Variants in KCTD16 observed in about 807,000 individuals in gnomAD.
The protein encoded by KCTD16 is potassium channel tetramerization domain containing 16, also known as BTB/POZ domain-containing protein KCTD16.
Under a neutral mutation model 33.2 loss-of-function variants are expected in KCTD16, and 13 were observed. The ratio of observed to expected loss-of-function variants is 0.39; its 90% CI spans 0.25 to 0.62. KCTD16 has a LOEUF of 0.62. KCTD16 is among the 20% of genes least tolerant of loss of function. The probability of loss-of-function intolerance (pLI) is 0.50; values close to 1 mark genes in which losing one functional copy is unlikely to be tolerated. For synonymous variants in KCTD16, 197 were observed against 195.3 expected (o/e 1.01, Z -0.07); for missense variants, 441 against 525.1 (o/e 0.84, Z 1.57).
chr5:144,187,464 A>G lies in KCTD16; in HGVS notation c.-327+12992A>G, dbSNP rs114399977. Among the ~76,000 whole-genome samples, 741 of 151,180 alleles carry G rather than the reference A, an allele frequency of 4.9e-3. 7 individuals carry two copies. Among genetic ancestry groups the G allele is most frequent in the African/African-American group, 0.017 (689 of 40,574 alleles). The stretch of plus-strand genomic sequence containing the variant: ...CACACACATATACACACACACATAC[A>G]CACAGGGGGCAAGAGAGAAAAAATG... On this transcript the variant is annotated intron_variant, in intron 2 of 3. Transcript: ENST00000512467.
At chr5:144,172,442 T>C (rs1198876566) in intron 1 of KCTD16, among the ~76,000 whole-genome samples, 1 of 152,254 alleles carries the variant, frequency 6.6e-6, no homozygotes, top group Non-Finnish European at 1.5e-5. Context: ...CTCCTAGTTA[T>C]TTTGAACTAT....
intron 3 of KCTD16, among the ~76,000 whole-genome samples, chr5:144,221,116 A>G (rs1452675129): frequency 6.6e-6 from 1 of 152,190 alleles, no homozygotes; most frequent in East Asian, 1.9e-4. Flanking sequence ...CTGCATTGTA[A>G]GACACTGAGT....
chr5:144,263,065 T>A (rs1755055276), intron 3 of KCTD16, among the ~76,000 whole-genome samples: 1 of 152,250 alleles, frequency 6.6e-6, no homozygotes, highest in African/African-American at 2.4e-5. Context: ...TTAATGATTA[T>A]GCCTGGGCAA....
intron 3 of KCTD16, among the ~76,000 whole-genome samples, chr5:144,321,021 A>G (rs2126884494): frequency 6.6e-6 from 1 of 152,058 alleles, no homozygotes; most frequent in Non-Finnish European, 1.5e-5. Context: ...ACACTTGGGT[A>G]ATTTTGTATT....
intron 3 of KCTD16, among the ~76,000 whole-genome samples, chr5:144,269,990 G>A (rs1056840193): frequency 1.3e-5 from 2 of 151,786 alleles, no homozygotes; most frequent in South Asian, 2.1e-4. Context: ...GAATATACAC[G>A]AAAAGAAATG....
intron 2 of KCTD16, among the ~76,000 whole-genome samples, chr5:144,192,814 T>C (rs1388261901): frequency 6.6e-6 from 1 of 152,222 alleles, no homozygotes; most frequent in Non-Finnish European, 1.5e-5. Context: ...CCCATTTGTA[T>C]GGAACTCTAA....
chr5:144,432,365 C>G (rs1402672724), intron 3 of KCTD16, among the ~76,000 whole-genome samples: 1 of 152,066 alleles, frequency 6.6e-6, no homozygotes, highest in South Asian at 2.1e-4. Context: ...AATTATTATA[C>G]CCATTTTATA....
intron 2 of KCTD16, among the ~76,000 whole-genome samples, chr5:144,196,339 T>A (rs1292384468): frequency 6.6e-6 from 1 of 152,154 alleles, no homozygotes; most frequent in Non-Finnish European, 1.5e-5. Flanking sequence ...CATCAGTCAC[T>A]TCCATTGGGC....
intron 3 of KCTD16, among the ~76,000 whole-genome samples, chr5:144,233,942 A>G (rs1418399401): frequency 6.6e-6 from 1 of 152,182 alleles, no homozygotes; most frequent in South Asian, 2.1e-4. Flanking sequence ...CTTTGCATCT[A>G]GGAAACCATA....
chr5:144,235,575 A>G (rs1038551063), intron 3 of KCTD16, among the ~76,000 whole-genome samples: 4 of 152,128 alleles, frequency 2.6e-5, no homozygotes, highest in African/African-American at 9.7e-5. Flanking sequence ...GTTGCTGAGA[A>G]GGTTAAATGA....
At chr5:144,467,663 T>C (rs1754378166) in intron 3 of KCTD16, among the ~76,000 whole-genome samples, 1 of 152,198 alleles carries the variant, frequency 6.6e-6, no homozygotes, top group African/African-American at 2.4e-5. Context: ...CATTGAGGTA[T>C]AGAAAAGGGC....
chr5:144,279,206 C>G (rs905550016), intron 3 of KCTD16, among the ~76,000 whole-genome samples: 3 of 152,174 alleles, frequency 2.0e-5, no homozygotes, highest in African/African-American at 7.2e-5. Flanking sequence ...CTTGTAGACA[C>G]ACTGATATTT....
At chr5:144,385,916 T>C (rs1383496959) in intron 3 of KCTD16, among the ~76,000 whole-genome samples, 1 of 152,140 alleles carries the variant, frequency 6.6e-6, no homozygotes, top group Non-Finnish European at 1.5e-5. Flanking sequence ...AGATTGCCTT[T>C]TAAAAGTTTC....
rs542720002 is a variant in KCTD16 at position 144,476,909 on chromosome 5, C to G, written c.*2795C>G. The G allele has an allele frequency of 6.6e-6, 1 of 151,892 alleles. No homozygotes were observed. The highest frequency in any genetic ancestry group is 6.6e-5 in the Admixed American group (1 of 15,236). 9.4% of individuals were successfully genotyped at this position (151,892 alleles called of 1,614,324 possible). On this transcript the variant is annotated 3_prime_UTR_variant, in exon 4 of 4. Transcript: ENST00000512467. ...AAAACAATATATATGGTTTACTTCTCGAACATTGGTTATGACAAGGGCCAT... is the reference window on the plus strand; with the variant it reads ...AAAACAATATATATGGTTTACTTCTGGAACATTGGTTATGACAAGGGCCAT...
At chr5:144,372,148 T>G (rs1751981773) in intron 3 of KCTD16, among the ~76,000 whole-genome samples, 1 of 152,092 alleles carries the variant, frequency 6.6e-6, no homozygotes, top group Non-Finnish European at 1.5e-5. Flanking sequence ...CTGTTTCAGT[T>G]TATATGCAAT....
intron 3 of KCTD16, among the ~76,000 whole-genome samples, chr5:144,297,834 G>A (rs1035313637): frequency 2.6e-5 from 4 of 152,212 alleles, no homozygotes; most frequent in East Asian, 1.9e-4. Flanking sequence ...AGCCGGCAAC[G>A]GCTACCCTCT....
At chr5:144,185,509 G>A (rs1025933819) in intron 2 of KCTD16, among the ~76,000 whole-genome samples, 26 of 152,178 alleles carry the variant, frequency 1.7e-4, no homozygotes, top group Admixed American at 1.6e-3. Context: ...TGAGCTTCAT[G>A]TCCATTGCTG....
chr5:144,302,036 A>T (rs1751456721), intron 3 of KCTD16, among the ~76,000 whole-genome samples: 1 of 152,198 alleles, frequency 6.6e-6, no homozygotes, highest in South Asian at 2.1e-4. Flanking sequence ...TGTAAAAATT[A>T]GGTTTTATTA....
chr5:144,436,365 C>G (rs1337104551), intron 3 of KCTD16, among the ~76,000 whole-genome samples: 1 of 152,036 alleles, frequency 6.6e-6, no homozygotes, highest in Non-Finnish European at 1.5e-5. Flanking sequence ...TTTAGGGACC[C>G]TGTAAAACAC....
Sources: gnomAD v4.1 joint callset for allele counts (sites outside exome capture counted in the v4.1 genomes callset) on GRCh38, gnomAD v4.1.1 for gene constraint, MANE v1.5 for transcripts, NCBI Gene and HGNC (gene_info 2026-07-23, HGNC 2026-07-21) for gene names.